ADARB2: variants seen among roughly 807,000 people sequenced by gnomAD.
ADARB2 encodes inactive double-stranded RNA-specific editase B2.
Under a neutral mutation model 62.2 loss-of-function variants are expected in ADARB2, and 25 were observed. That is an observed-to-expected ratio of 0.40 (90% confidence interval 0.29 to 0.56). ADARB2 has a LOEUF of 0.56. Ranked by LOEUF, ADARB2 falls within the 20% of genes least tolerant of loss-of-function variation. ADARB2 has a pLI of 0.43. For missense variants in ADARB2, 1,071 were observed against 1,077.4 expected (o/e 0.99, Z 0.08); for synonymous variants, 572 against 500.8 (o/e 1.14, Z -1.90).
rs1564257738 is a variant in ADARB2, at chr10:1,326,776, C to CCTCCTCACGGCCCAGCG, written c.1077+36251_1077+36252insCGCTGGGCCGTGAGGAG. On this transcript the variant is annotated intron_variant, in intron 3 of 9. Transcript: ENST00000381312. ...GGCACGGCGCCTCTGGTAGCACAGC[C>CCTCCTCACGGCCCAGCG]CCTCCTCACTGCCCAGCGCCTCCCC... is the stretch of plus-strand genomic sequence containing the variant. 6.6e-4 allele frequency among the ~76,000 whole-genome samples: 49 copies of CCTCCTCACGGCCCAGCG among 74,022 alleles called. 5 individuals carry two copies. The highest frequency in any genetic ancestry group is 2.0e-3 in the African/African-American group (48 of 23,876). The allele number at this position is 74,022 out of a possible 152,430, so 48.6% of individuals were successfully genotyped here. A position where few individuals can be genotyped will look rare whatever the true frequency, so the allele number is the denominator to read the frequency against.
chr10:1,493,734 T>C (rs1831651450), intron 1 of ADARB2, among the ~76,000 whole-genome samples: 1 of 13,096 alleles, frequency 7.6e-5, no homozygotes, highest in Non-Finnish European at 1.8e-4. Flanking sequence ...GCATTCTTTT[T>C]TTTTTTTTTT....
At chr10:1,278,316 T>C (rs1465686698) in intron 3 of ADARB2, among the ~76,000 whole-genome samples, 2 of 151,336 alleles carry the variant, frequency 1.3e-5, no homozygotes, top group African/African-American at 2.4e-5. Context: ...TTTCAACTTA[T>C]ATTTTGGGTT....
At chr10:1,348,855 C>T (rs1832106800) in intron 3 of ADARB2, among the ~76,000 whole-genome samples, 1 of 152,188 alleles carries the variant, frequency 6.6e-6, no homozygotes. Context: ...CACCTCAGCT[C>T]TGGGGCTCAT....
chr10:1,635,248 C>A (rs1001921511), intron 1 of ADARB2, among the ~76,000 whole-genome samples: 1 of 152,164 alleles, frequency 6.6e-6, no homozygotes, highest in Non-Finnish European at 1.5e-5. Context: ...TAGATCATTT[C>A]TAGAGTGAAA....
At chr10:1,226,542 T>C (rs568093662) in intron 6 of ADARB2, among the ~76,000 whole-genome samples, 6 of 152,236 alleles carry the variant, frequency 3.9e-5, no homozygotes, top group Non-Finnish European at 8.8e-5. Flanking sequence ...TTTGTACTTT[T>C]ATCTACCTTT....
At chr10:1,664,200 G>C (rs142039688) in intron 1 of ADARB2, among the ~76,000 whole-genome samples, 1 of 151,868 alleles carries the variant, frequency 6.6e-6, no homozygotes, top group African/African-American at 2.4e-5. Flanking sequence ...GGGTTTCTGT[G>C]TGTCCGTGTT....
At chr10:1,510,153 T>TTTCC in intron 1 of ADARB2, among the ~76,000 whole-genome samples, 1 of 141,820 alleles carries the variant, frequency 7.1e-6, no homozygotes. Context: ...TCTTTCTTTC[T>TTTCC]TTCTTTCTTT....
intron 1 of ADARB2, among the ~76,000 whole-genome samples, chr10:1,487,806 CAA>C (rs1393310948): frequency 6.6e-6 from 1 of 152,020 alleles, no homozygotes; most frequent in Non-Finnish European, 1.5e-5. Flanking sequence ...GTCAGAAAAA[CAA>C]AAGTGTGGTG....
At chr10:1,467,731 G>T (rs1192210719) in intron 1 of ADARB2, among the ~76,000 whole-genome samples, 3 of 152,160 alleles carry the variant, frequency 2.0e-5, no homozygotes, top group Non-Finnish European at 1.5e-5. Context: ...CCCTGCTCTG[G>T]GAAAATAAAA....
At chr10:1,461,662 CT>C (rs202192408) in intron 1 of ADARB2, among the ~76,000 whole-genome samples, 7 of 132,462 alleles carry the variant, frequency 5.3e-5, no homozygotes, top group African/African-American at 8.1e-5. Flanking sequence ...GTTTCTTAAT[CT>C]TTTTTTTTTC....
intron 1 of ADARB2, among the ~76,000 whole-genome samples, chr10:1,665,930 G>A (rs1834311014): frequency 6.6e-6 from 1 of 152,218 alleles, no homozygotes; most frequent in African/African-American, 2.4e-5. Flanking sequence ...GACGGACAAG[G>A]ATAGCACAGC....
chr10:1,268,392 A>G (rs1035274360), intron 4 of ADARB2, among the ~76,000 whole-genome samples: 2 of 152,220 alleles, frequency 1.3e-5, no homozygotes, highest in African/African-American at 2.4e-5. Context: ...TTCTGTGATT[A>G]TATTTCTCAT....
chr10:1,456,731 G>A (rs946797737), intron 1 of ADARB2, among the ~76,000 whole-genome samples: 1 of 152,050 alleles, frequency 6.6e-6, no homozygotes, highest in African/African-American at 2.4e-5. Context: ...CTTTTACTTT[G>A]GGTAAAATAA....
chr10:1,404,216 AG>A (rs1832687476), intron 1 of ADARB2, among the ~76,000 whole-genome samples: 1 of 140,334 alleles, frequency 7.1e-6, no homozygotes, highest in Non-Finnish European at 1.5e-5. Context: ...GAGCAGGAGA[AG>A]CTGCTGCCAG....
chr10:1,390,291 C>T (rs1832559148), intron 1 of ADARB2, among the ~76,000 whole-genome samples: 1 of 152,208 alleles, frequency 6.6e-6, no homozygotes, highest in Non-Finnish European at 1.5e-5. Flanking sequence ...GCATGGGCAT[C>T]TCTGAAGGGT....
At chr10:1,651,397 G>A (rs1223058912) in intron 1 of ADARB2, among the ~76,000 whole-genome samples, 1 of 152,198 alleles carries the variant, frequency 6.6e-6, no homozygotes, top group Non-Finnish European at 1.5e-5. Context: ...GCCCTCCCTG[G>A]TTCTCAGGGT....
chr10:1,736,696 G>A (rs191155574), intron 1 of ADARB2, among the ~76,000 whole-genome samples: 20 of 152,324 alleles, frequency 1.3e-4, no homozygotes, highest in African/African-American at 4.6e-4. Flanking sequence ...GGCACTGGGA[G>A]ACGAGATGGC....
intron 4 of ADARB2, among the ~76,000 whole-genome samples, chr10:1,256,974 C>T (rs1479572097): frequency 1.3e-5 from 2 of 152,118 alleles, no homozygotes; most frequent in African/African-American, 4.8e-5. Context: ...AGCATGAAGC[C>T]CGCGCTCATA....
chr10:1,576,397 GAGGGGGCTCAGGA>G (rs1833022192), intron 1 of ADARB2, among the ~76,000 whole-genome samples: 5 of 151,930 alleles, frequency 3.3e-5, no homozygotes, highest in African/African-American at 9.7e-5. Context: ...AGAGTCACAG[GAGGGGGCTCAGGA>G]TCACTGGAGG....
Sources: gnomAD v4.1 joint callset for allele counts (sites outside exome capture counted in the v4.1 genomes callset) on GRCh38, gnomAD v4.1.1 for gene constraint, MANE v1.5 for transcripts, NCBI Gene and HGNC (gene_info 2026-07-23, HGNC 2026-07-21) for gene names.